PKHD1L1: variants seen among roughly 807,000 people sequenced by gnomAD.
PKHD1L1 encodes the protein PKHD1 like 1.
Under a neutral mutation model 462.9 loss-of-function variants are expected in PKHD1L1, and 434 were observed. The observed-to-expected ratio is 0.94, with a 90% CI of 0.87 to 1.02. The LOEUF is 1.02. PKHD1L1 is among the 50% of genes least tolerant of loss of function. The pLI is 0.00. For missense variants in PKHD1L1, 5,202 were observed against 5,096.1 expected (o/e 1.02, Z -0.63); for synonymous variants, 1,781 against 1,750.0 (o/e 1.02, Z -0.44).
intron 28 of PKHD1L1, among the ~76,000 whole-genome samples, chr8:109,434,606 T>C (rs1815293724): frequency 1.3e-5 from 2 of 152,128 alleles, no homozygotes; most frequent in South Asian, 4.2e-4. Context: ...GTAGCTGAGA[T>C]TACAGGTGTC....
At chr8:109,510,634 G>A (rs1819921869) in intron 70 of PKHD1L1, 143 bp from the exon 71 acceptor site, 1 of 1,050,536 alleles carries the variant, frequency 9.5e-7, no homozygotes. Flanking sequence ...GCTGGGTAAC[G>A]GTGGATGGGT....
At chr8:109,426,781 T>G (rs1814772254) in intron 24 of PKHD1L1, among the ~76,000 whole-genome samples, 1 of 152,096 alleles carries the variant, frequency 6.6e-6, no homozygotes, top group African/African-American at 2.4e-5. Flanking sequence ...GCCTCCCGAG[T>G]AGCTGGGATT....
At position 109,381,462 on chromosome 8, in the gene PKHD1L1, T is replaced by G. The variant is rs1250616274; in HGVS notation, c.256T>G (p.Cys86Gly). 1.3e-6 allele frequency: 2 copies of G among 1,584,644 alleles called. No homozygotes were observed. The highest frequency in any genetic ancestry group is 1.7e-6 in the Non-Finnish European group (2 of 1,163,002). ...AATTTCTTCTTTCCAGTCAATTACT[T>G]GTGATGTAGAAAAAGATGCAAGTCA... is the stretch of plus-strand genomic sequence containing the variant. Reference protein sequence around the residue: ...QLISSFQSITCDVEKDASHST... With the variant: ...QLISSFQSITGDVEKDASHST... Residue 86 changes from cysteine to glycine, a missense_variant, in exon 3 of 78, where the codon TGT (cysteine) becomes GGT (glycine). Cys to Gly is a radical substitution (Grantham distance 159). Transcript: ENST00000378402.
In PKHD1L1 at chr8:109,485,084, T is replaced by C. The variant is rs758454566; in HGVS notation, c.9617T>C (p.Phe3206Ser). 1.9e-6 allele frequency: 3 copies of C among 1,604,040 alleles called. No individual in the cohort carries two copies. The East Asian group carries it at 6.7e-5, about 36-fold the overall frequency. The stretch of plus-strand genomic sequence containing the variant: ...GTGATAACAACCACAAGCTACGATT[T>C]CCACCAGACAGAAACAAGAAGTATC... Reference protein sequence around the residue: ...EIVITTTSYDFHQTETRSIVK... With the variant: ...EIVITTTSYDSHQTETRSIVK... The change falls in exon 58 of 78, where the codon TTC becomes TCC. Residue 3206 changes from phenylalanine to serine, a missense_variant. This residue lies in a region of PKHD1L1 where 4,497 missense variants were observed against 4,336.8 expected (regional missense o/e 1.04). Transcript: ENST00000378402.
chr8:109,506,689 C>A (rs149419472), intron 68 of PKHD1L1, among the ~76,000 whole-genome samples: 30 of 152,230 alleles, frequency 2.0e-4, no homozygotes, highest in Admixed American at 3.9e-4. Context: ...TTATTAAAAT[C>A]CTTCTCTAAA....
chr8:109,394,284 A>G, intron 9 of PKHD1L1, 131 bp from the exon 10 acceptor site: 1 of 533,252 alleles, frequency 1.9e-6, no homozygotes, highest in South Asian at 3.8e-5. Flanking sequence ...AATAAAGAAC[A>G]TTCTTATCTT....
intron 28 of PKHD1L1, 66 bp from the exon 29 acceptor site, chr8:109,435,124 C>A: frequency 2.6e-6 from 4 of 1,540,158 alleles, no homozygotes; most frequent in Non-Finnish European, 3.6e-6. Flanking sequence ...TATTTGCAAG[C>A]ATAACTTTTA....
rs1821142843 is a variant in PKHD1L1, at chr8:109,536,145, G to T, written c.*6055G>T. 6.6e-6 allele frequency among the ~76,000 whole-genome samples: 1 copy of T among 152,184 alleles called. No individual in the cohort carries two copies. The highest frequency in any genetic ancestry group is 2.1e-4 in the South Asian group (1 of 4,836). ...TTGGAAGCACTATTCCATGTTGTGA[G>T]CTAAAGGGGATTGTACTGATCTTGA... is the stretch of plus-strand genomic sequence containing the variant. On this transcript the variant is annotated 3_prime_UTR_variant, in exon 78 of 78. Transcript: ENST00000378402.
chr8:109,430,057 C>G lies in PKHD1L1; in HGVS notation c.3229+20C>G. 6.7e-7 allele frequency: 1 copy of G among 1,499,764 alleles called. No homozygotes were observed. Among genetic ancestry groups the G allele is most frequent in the Non-Finnish European group, 9.2e-7 (1 of 1,086,052 alleles). 92.9% of individuals were successfully genotyped at this position (1,499,764 alleles called of 1,614,324 possible). A position where few individuals can be genotyped will look rare whatever the true frequency, so the allele number is the denominator to read the frequency against. On this transcript the variant is annotated intron_variant, in intron 27 of 77. Coordinates refer to ENST00000378402, the MANE Select transcript of PKHD1L1 (RefSeq NM_177531.6). The stretch of plus-strand genomic sequence containing the variant: ...CTCAAGGTAACTTCCTGATTTTTAA[C>G]CTATACTGGGTGTGAAAGATAATCA...
intron 16 of PKHD1L1, 79 bp from the exon 17 acceptor site, chr8:109,406,256 A>C (rs989742698): frequency 1.0e-5 from 14 of 1,342,180 alleles, no homozygotes; most frequent in African/African-American, 1.5e-5. Context: ...TAAATACGAG[A>C]CATCAGTGTT....
At chr8:109,518,924 C>G (rs1820413870) in intron 73 of PKHD1L1, among the ~76,000 whole-genome samples, 1 of 152,006 alleles carries the variant, frequency 6.6e-6, no homozygotes, top group South Asian at 2.1e-4. Context: ...TCCGATTGGT[C>G]TGGAGTGGAA....
chr8:109,486,246 C>T (rs1818520438), intron 58 of PKHD1L1, among the ~76,000 whole-genome samples: 2 of 151,860 alleles, frequency 1.3e-5, no homozygotes, highest in Admixed American at 1.3e-4. Context: ...TGTTGATTCT[C>T]CTCCTAGCTT....
chr8:109,387,889 C>T (rs1812516768), intron 6 of PKHD1L1, among the ~76,000 whole-genome samples: 1 of 152,136 alleles, frequency 6.6e-6, no homozygotes, highest in African/African-American at 2.4e-5. Flanking sequence ...CACCTGCCAG[C>T]CTCCAATAGC....
rs554565197 is a variant in PKHD1L1, at chr8:109,533,715, C to A, written c.*3625C>A. On this transcript the variant is annotated 3_prime_UTR_variant, in exon 78 of 78. Transcript: ENST00000378402. ...GCTCCTGAGACCTGGAGGATAAAGG[C>A]CAGTGCCTTTTATTGCTCCATAACT... 1.1e-4 allele frequency among the ~76,000 whole-genome samples: 17 copies of A among 152,250 alleles called. No individual in the cohort carries two copies. The highest frequency in any genetic ancestry group is 4.1e-4 in the African/African-American group (17 of 41,526).
intron 20 of PKHD1L1, 107 bp downstream of exon 20, chr8:109,412,521 T>A: frequency 5.7e-6 from 7 of 1,222,800 alleles, no homozygotes; most frequent in Non-Finnish European, 7.7e-6. Context: ...AAATAGTATG[T>A]CATATTGTAA....
rs1300100850 is a variant in PKHD1L1, at chr8:109,491,796, A to C, written c.10115-77A>C. 7.0e-6 allele frequency: 9 copies of C among 1,291,912 alleles called. No homozygotes were observed. In the East Asian group the frequency reaches 2.2e-4, roughly 32 times the overall value. The allele number at this position is 1,291,912 out of a possible 1,614,324, so 80.0% of individuals were successfully genotyped here. Reference sequence around the variant, plus strand: ...AATAATTTTATGGAAAAATCAAAAGACATTACTCCTAATAGTCGTTGCAAA... The same window carrying C: ...AATAATTTTATGGAAAAATCAAAAGCCATTACTCCTAATAGTCGTTGCAAA... On this transcript the variant is annotated intron_variant, in intron 61 of 77. Transcript: ENST00000378402.
At chr8:109,491,280 A>T (rs1217613045) in intron 61 of PKHD1L1, among the ~76,000 whole-genome samples, 179 bp downstream of exon 61, 1 of 151,900 alleles carries the variant, frequency 6.6e-6, no homozygotes, top group African/African-American at 2.4e-5. Context: ...AATTATGGCT[A>T]GGAGCTGAAT....
Position 109,400,211 on chromosome 8 carries a change from T to C in PKHD1L1, c.1148T>C (p.Met383Thr), listed in dbSNP as rs1383819419. The C allele has an allele frequency of 6.2e-7, 1 of 1,613,738 alleles. No individual in the cohort carries two copies. The highest frequency in any genetic ancestry group is 1.3e-5 in the African/African-American group (1 of 75,022). The change falls in exon 13 of 78, where the codon ATG (methionine) becomes ACG (threonine). Residue 383 changes from methionine to threonine, a missense_variant. Coordinates refer to ENST00000378402, the MANE Select transcript of PKHD1L1 (RefSeq NM_177531.6). ...WVDSASYIWL[M>T]EQDTFVARFS... ...GATTCAGCTTCCTATATTTGGCTCA[T>C]GGAACAAGACACATTTGTTGCACGC...
chr8:109,490,167 T>A, intron 60 of PKHD1L1, 112 bp downstream of exon 60: 1 of 661,384 alleles, frequency 1.5e-6, no homozygotes, highest in Non-Finnish European at 2.4e-6. Context: ...TAATCTAATA[T>A]AATAAAACTT....
Sources: gnomAD v4.1 joint callset for allele counts (sites outside exome capture counted in the v4.1 genomes callset) on GRCh38, gnomAD v4.1.1 for gene constraint, gnomAD v4.1.1 regional missense constraint, MANE v1.5 for transcripts, NCBI Gene and HGNC (gene_info 2026-07-23, HGNC 2026-07-21) for gene names.